SORCS1: variants seen among roughly 807,000 people sequenced by gnomAD.
SORCS1 encodes the protein sortilin related VPS10 domain containing receptor 1.
Under a neutral mutation model 146.1 loss-of-function variants are expected in SORCS1, and 60 were observed. The ratio of observed to expected loss-of-function variants is 0.41; its 90% CI spans 0.33 to 0.51. The LOEUF is 0.51. SORCS1 is among the 20% of genes least tolerant of loss of function. The pLI, the probability that SORCS1 is intolerant of heterozygous loss-of-function variation, is 0.21. For synonymous variants in SORCS1, 637 were observed against 584.0 expected (o/e 1.09, Z -1.31); for missense variants, 1,352 against 1,487.6 (o/e 0.91, Z 1.50).
intron 2 of SORCS1, among the ~76,000 whole-genome samples, chr10:106,939,042 C>T (rs1953896783): frequency 6.6e-6 from 1 of 152,168 alleles, no homozygotes; most frequent in African/African-American, 2.4e-5. Context: ...TAAATTCTGA[C>T]TCGTTTTTGA....
chr10:106,661,816 T>C (rs1850751057), intron 17 of SORCS1, among the ~76,000 whole-genome samples: 2 of 152,222 alleles, frequency 1.3e-5, no homozygotes, highest in Admixed American at 6.5e-5. Flanking sequence ...CATCCCCAAT[T>C]GTATTTCACT....
At chr10:106,852,602 T>G (rs1589554895) in intron 2 of SORCS1, among the ~76,000 whole-genome samples, 1 of 127,824 alleles carries the variant, frequency 7.8e-6, no homozygotes, top group Non-Finnish European at 1.6e-5. Flanking sequence ...CACTCCAGCC[T>G]GGGTGACAGA....
At chr10:106,777,512 C>T (rs1480742618) in intron 3 of SORCS1, among the ~76,000 whole-genome samples, 1 of 152,186 alleles carries the variant, frequency 6.6e-6, no homozygotes, top group East Asian at 1.9e-4. Context: ...AGCTTCACAA[C>T]TTCTAAGTCT....
intron 10 of SORCS1, among the ~76,000 whole-genome samples, 175 bp from the exon 11 acceptor site, chr10:106,679,909 T>C (rs538787671): frequency 7.9e-5 from 12 of 152,234 alleles, no homozygotes; most frequent in African/African-American, 2.9e-4. Context: ...CCCAAATATC[T>C]AGTGTCCACT....
At chr10:107,125,016 G>A (rs1216543422) in intron 1 of SORCS1, among the ~76,000 whole-genome samples, 3 of 145,098 alleles carry the variant, frequency 2.1e-5, no homozygotes, top group East Asian at 2.0e-4. Context: ...GCAGTGGCGC[G>A]ATCTCGGCTC....
intron 3 of SORCS1, among the ~76,000 whole-genome samples, chr10:106,799,353 T>C (rs373161828): frequency 1.3e-5 from 2 of 152,110 alleles, no homozygotes; most frequent in Non-Finnish European, 2.9e-5. Context: ...CCAAAAGCAA[T>C]GGCAACAAAA....
chr10:106,873,347 A>G (rs1950481617), intron 2 of SORCS1, among the ~76,000 whole-genome samples: 1 of 151,926 alleles, frequency 6.6e-6, no homozygotes. Context: ...AATTTCCTTG[A>G]TATTTATATT....
intron 10 of SORCS1, among the ~76,000 whole-genome samples, chr10:106,683,206 T>C (rs752557445): frequency 2.6e-5 from 4 of 152,222 alleles, no homozygotes; most frequent in Non-Finnish European, 4.4e-5. Context: ...ATAAAATACT[T>C]TGGCTATTCC....
chr10:106,996,252 G>GAA (rs1339963724), intron 1 of SORCS1, among the ~76,000 whole-genome samples: 9 of 16,932 alleles, frequency 5.3e-4, no homozygotes, highest in Non-Finnish European at 9.8e-4. Context: ...AAAAAAAATA[G>GAA]AATGTAGAAA....
chr10:107,004,160 A>T (rs527636352), intron 1 of SORCS1, among the ~76,000 whole-genome samples: 64 of 118,856 alleles, frequency 5.4e-4, no homozygotes, highest in African/African-American at 2.1e-3. Flanking sequence ...TGGGCGACAG[A>T]GTGTGATCCC....
intron 2 of SORCS1, among the ~76,000 whole-genome samples, chr10:106,921,755 C>T (rs1170102407): frequency 3.3e-5 from 5 of 152,166 alleles, no homozygotes; most frequent in Non-Finnish European, 7.3e-5. Flanking sequence ...GGTATTAATG[C>T]TAAGGGTCCA....
intron 1 of SORCS1, among the ~76,000 whole-genome samples, chr10:107,105,734 G>A (rs906608548): frequency 2.0e-5 from 3 of 149,582 alleles, no homozygotes; most frequent in African/African-American, 7.4e-5. Context: ...CAGATTGAGG[G>A]TGGGTCTGCC....
the SORCS1 span, among the ~76,000 whole-genome samples, chr10:107,178,289 C>T: frequency 6.6e-6 from 1 of 152,066 alleles, no homozygotes; most frequent in Non-Finnish European, 1.5e-5. Context: ...TCGCTTCATG[C>T]CTGTCACCCT....
intron 1 of SORCS1, among the ~76,000 whole-genome samples, chr10:107,147,893 C>G (rs1041231494): frequency 2.0e-5 from 3 of 152,008 alleles, no homozygotes; most frequent in African/African-American, 7.2e-5. Context: ...CACATAAGAT[C>G]AGATATTTTC....
intron 2 of SORCS1, among the ~76,000 whole-genome samples, chr10:106,888,072 T>C (rs962447228): frequency 6.6e-6 from 1 of 152,230 alleles, no homozygotes; most frequent in Non-Finnish European, 1.5e-5. Flanking sequence ...CTCTCTGCAA[T>C]CCATGGTGTC....
chr10:107,171,011 T>G, the SORCS1 span, among the ~76,000 whole-genome samples: 1 of 152,290 alleles, frequency 6.6e-6, no homozygotes, highest in East Asian at 1.9e-4. Flanking sequence ...ATCTGCAAAA[T>G]GTAGGTTATA....
At chr10:107,082,526 G>A (rs2134247714) in intron 1 of SORCS1, among the ~76,000 whole-genome samples, 1 of 151,784 alleles carries the variant, frequency 6.6e-6, no homozygotes, top group East Asian at 2.0e-4. Flanking sequence ...CGCACAAACT[G>A]GAGTGCAGTG....
At chr10:107,088,719 C>T (rs1963953927) in intron 1 of SORCS1, among the ~76,000 whole-genome samples, 1 of 152,164 alleles carries the variant, frequency 6.6e-6, no homozygotes, top group African/African-American at 2.4e-5. Flanking sequence ...TAGCATGTGT[C>T]TCCTACTCAT....
chr10:106,984,904 C>G (rs1338330508), intron 1 of SORCS1, among the ~76,000 whole-genome samples: 1 of 151,904 alleles, frequency 6.6e-6, no homozygotes, highest in Non-Finnish European at 1.5e-5. Flanking sequence ...ATAGGGCAAG[C>G]AGGCCGGGTG....
Sources: gnomAD v4.1 joint callset for allele counts (sites outside exome capture counted in the v4.1 genomes callset) on GRCh38, gnomAD v4.1.1 for gene constraint, MANE v1.5 for transcripts, NCBI Gene and HGNC (gene_info 2026-07-23, HGNC 2026-07-21) for gene names.